LRRTM4: variants seen among roughly 807,000 people sequenced by gnomAD.
LRRTM4 encodes the protein leucine rich repeat transmembrane neuronal 4.
A neutral mutation model predicts 47.6 loss-of-function variants in LRRTM4; 25 were observed. The ratio of observed to expected loss-of-function variants is 0.53; its 90% CI spans 0.38 to 0.73. The LOEUF (loss-of-function observed/expected upper bound fraction) is 0.73. Ranked by LOEUF, LRRTM4 falls within the 30% of genes least tolerant of loss-of-function variation. LRRTM4 has a pLI of 0.00. For missense variants in LRRTM4, 638 were observed against 713.4 expected, an observed-to-expected ratio of 0.89 and a Z score of 1.20; for synonymous variants, 311 against 269.5, an observed-to-expected ratio of 1.15 and a Z score of -1.51.
At chr2:77,488,228 C>T (rs1211537226) in intron 3 of LRRTM4, among the ~76,000 whole-genome samples, 3 of 152,174 alleles carry the variant, frequency 2.0e-5, no homozygotes, top group African/African-American at 4.8e-5. Context: ...CCACATTCCC[C>T]GGTGCCAGCA....
intron 3 of LRRTM4, among the ~76,000 whole-genome samples, chr2:76,981,286 A>T (rs1186370877): frequency 6.6e-6 from 1 of 152,130 alleles, no homozygotes; most frequent in Non-Finnish European, 1.5e-5. Context: ...AATAAAACAT[A>T]GAAAGGAAAT....
At chr2:76,888,693 C>T (rs1051247598) in intron 3 of LRRTM4, among the ~76,000 whole-genome samples, 2 of 151,574 alleles carry the variant, frequency 1.3e-5, no homozygotes, top group African/African-American at 4.8e-5. Flanking sequence ...TTAGTTTGGA[C>T]CACTGCTTTC....
At chr2:77,422,224 T>C (rs373517972) in intron 3 of LRRTM4, among the ~76,000 whole-genome samples, 7 of 152,242 alleles carry the variant, frequency 4.6e-5, no homozygotes, top group Non-Finnish European at 7.3e-5. Context: ...TTTGTGCAAG[T>C]ATTCCAGCTA....
intron 3 of LRRTM4, among the ~76,000 whole-genome samples, chr2:76,974,157 T>C (rs1311096034): frequency 3.6e-5 from 3 of 82,242 alleles, no homozygotes; most frequent in African/African-American, 2.4e-4. Context: ...TATACATACA[T>C]ATATATATAT....
chr2:77,155,506 G>C (rs1672536954), intron 3 of LRRTM4, among the ~76,000 whole-genome samples: 1 of 151,780 alleles, frequency 6.6e-6, no homozygotes, highest in African/African-American at 2.4e-5. Context: ...CAAAGGTTGA[G>C]ATAAATCAAG....
intron 3 of LRRTM4, among the ~76,000 whole-genome samples, chr2:76,814,060 C>T (rs1006506697): frequency 8.6e-5 from 13 of 152,024 alleles, no homozygotes; most frequent in South Asian, 2.1e-4. Flanking sequence ...TGACTTTGAA[C>T]GTTTTGAGGA....
At position 76,812,729 on chromosome 2, in the gene LRRTM4, TCTCCTC is replaced by T. The variant is rs991106349; in HGVS notation, c.1552-63819_1552-63814del. Among the ~76,000 whole-genome samples, 6 of 121,424 alleles carry T rather than the reference TCTCCTC, an allele frequency of 4.9e-5. No individual in the cohort carries two copies. In the South Asian group the frequency reaches 8.1e-4, roughly 16 times the overall value. 79.7% of individuals were successfully genotyped at this position (121,424 alleles called of 152,430 possible). On this transcript the variant is annotated intron_variant, in intron 3 of 3. Coordinates refer to ENST00000409884, the MANE Select transcript of LRRTM4 (RefSeq NM_001134745.3). ...CTTTATTTCTTTTTCTTTCTCTTTT[TCTCCTC>T]CTCCTCCTCCTCTCCCTCCTTCTCC...
intron 3 of LRRTM4, among the ~76,000 whole-genome samples, chr2:77,057,566 C>T (rs1231055711): frequency 6.6e-6 from 1 of 152,060 alleles, no homozygotes. Context: ...TTTAGTATGG[C>T]TCTTTTGATT....
intron 3 of LRRTM4, among the ~76,000 whole-genome samples, chr2:76,917,379 T>G (rs778275991): frequency 1.2e-4 from 19 of 152,172 alleles, no homozygotes; most frequent in Non-Finnish European, 2.5e-4. Context: ...AACAGTCCCA[T>G]GTGCTCACAA....
intron 3 of LRRTM4, among the ~76,000 whole-genome samples, chr2:77,392,637 C>A (rs1393730636): frequency 6.6e-6 from 1 of 151,972 alleles, no homozygotes; most frequent in Non-Finnish European, 1.5e-5. Flanking sequence ...ACAAATACCA[C>A]ATGATCTCAC....
chr2:76,807,841 A>G (rs1217206756), intron 3 of LRRTM4, among the ~76,000 whole-genome samples: 3 of 151,720 alleles, frequency 2.0e-5, no homozygotes, highest in Non-Finnish European at 4.4e-5. Context: ...CCAGCCTCCC[A>G]AAGTGCTGGG....
At chr2:77,304,596 G>T (rs1276997503) in intron 3 of LRRTM4, among the ~76,000 whole-genome samples, 1 of 152,074 alleles carries the variant, frequency 6.6e-6, no homozygotes, top group Non-Finnish European at 1.5e-5. Context: ...AGCAAGAGGG[G>T]AATTGCTCTT....
chr2:77,360,476 T>TGATATGATACGATACGATAC (rs1672151832), intron 3 of LRRTM4, among the ~76,000 whole-genome samples: 1 of 123,194 alleles, frequency 8.1e-6, no homozygotes, highest in African/African-American at 3.2e-5. Flanking sequence ...CAATACGATA[T>TGATATGATACGATACGATAC]GATACGATAC....
intron 3 of LRRTM4, among the ~76,000 whole-genome samples, chr2:76,759,736 CTT>C (rs1022165785): frequency 3.3e-4 from 50 of 152,044 alleles, no homozygotes; most frequent in Admixed American, 1.4e-3. Context: ...TCACTATTCT[CTT>C]TGCCTGGGAT....
chr2:77,137,484 T>C (rs1572998443), intron 3 of LRRTM4, among the ~76,000 whole-genome samples: 1 of 151,656 alleles, frequency 6.6e-6, no homozygotes, highest in South Asian at 2.1e-4. Context: ...GCGCTAAACA[T>C]GGAAAGGAAC....
At chr2:76,759,524 T>C (rs1369989103) in intron 3 of LRRTM4, among the ~76,000 whole-genome samples, 1 of 152,172 alleles carries the variant, frequency 6.6e-6, no homozygotes, top group Non-Finnish European at 1.5e-5. Context: ...CCTGGGTGTA[T>C]GATGGCTTAT....
chr2:77,241,767 T>C (rs1675275179), intron 3 of LRRTM4, among the ~76,000 whole-genome samples: 1 of 152,150 alleles, frequency 6.6e-6, no homozygotes, highest in South Asian at 2.1e-4. Context: ...TCTTTTCTCC[T>C]ATATTTTCTT....
chr2:77,049,853 T>C (rs1176965797), intron 3 of LRRTM4, among the ~76,000 whole-genome samples: 2 of 152,062 alleles, frequency 1.3e-5, no homozygotes, highest in African/African-American at 2.4e-5. Flanking sequence ...ATCTTGTTCA[T>C]GAAATCTTTG....
intron 3 of LRRTM4, among the ~76,000 whole-genome samples, chr2:77,366,797 T>C (rs1382910794): frequency 6.6e-6 from 1 of 151,908 alleles, no homozygotes; most frequent in Non-Finnish European, 1.5e-5. Flanking sequence ...ATCATTCGTA[T>C]GCATTAATTA....
Sources: gnomAD v4.1 joint callset for allele counts (sites outside exome capture counted in the v4.1 genomes callset) on GRCh38, gnomAD v4.1.1 for gene constraint, MANE v1.5 for transcripts, NCBI Gene and HGNC (gene_info 2026-07-23, HGNC 2026-07-21) for gene names.